Variants in SATB1 observed in about 807,000 individuals in gnomAD.
SATB1 encodes SATB homeobox 1.
In SATB1, 11 loss-of-function variants were observed where a neutral mutation model predicts 86.9. That is an observed-to-expected ratio of 0.13 (90% confidence interval 0.08 to 0.21). SATB1 has a LOEUF of 0.21. Ranked by LOEUF, SATB1 falls within the 10% of genes least tolerant of loss-of-function variation. The pLI is 1.00. For synonymous variants in SATB1, 357 were observed against 357.2 expected, an observed-to-expected ratio of 1.00 and a Z score of 0.01; for missense variants, 551 against 937.6, an observed-to-expected ratio of 0.59 and a Z score of 5.39.
chr3:18,361,878 C>T (rs1694920542), intron 9 of SATB1, among the ~76,000 whole-genome samples: 2 of 152,144 alleles, frequency 1.3e-5, no homozygotes, highest in Middle Eastern at 3.4e-3. Context: ...CATATAGATA[C>T]ATGTGCATGT....
At position 18,352,282 on chromosome 3, in the gene SATB1, G is replaced by A. The variant is rs1694404227; in HGVS notation, c.1576-87C>T. Reference sequence around the variant, plus strand: ...AGGAGCTAAAAAGGAAAAACCCTATGAATTAACTTTTTCATAAGCTCAGAA... The same window carrying A: ...AGGAGCTAAAAAGGAAAAACCCTATAAATTAACTTTTTCATAAGCTCAGAA... On this transcript the variant is annotated intron_variant, in intron 9 of 10. Transcript: ENST00000338745. The surrounding 1 kb of genome is among the most constrained non-coding windows in gnomAD (Gnocchi z 4.1). The A allele has an allele frequency of 8.5e-7, 1 of 1,180,450 alleles. No individual in the cohort carries two copies. Among genetic ancestry groups the A allele is most frequent in the Non-Finnish European group, 1.2e-6 (1 of 813,616 alleles). The allele number at this position is 1,180,450 out of a possible 1,614,324, so 73.1% of individuals were successfully genotyped here.
chr3:18,350,279 T>C (rs1286511333), intron 10 of SATB1: 1 of 152,530 alleles, frequency 6.6e-6, no homozygotes, highest in Non-Finnish European at 1.5e-5. Flanking sequence ...ACACAATTTC[T>C]TACCGAATTG....
chr3:18,443,147 C>T (rs560030315), upstream of SATB1, among the ~76,000 whole-genome samples: 4 of 152,302 alleles, frequency 2.6e-5, no homozygotes, highest in African/African-American at 7.2e-5. The surrounding 1 kb of genome is among the most constrained non-coding windows in gnomAD (Gnocchi z 4.4). Context: ...TAAGTTTCAA[C>T]GGGATGAGTT....
intron 5 of SATB1, among the ~76,000 whole-genome samples, chr3:18,408,153 G>C (rs1697641878): frequency 6.6e-6 from 1 of 151,902 alleles, no homozygotes; most frequent in Non-Finnish European, 1.5e-5. Flanking sequence ...TATTACAATA[G>C]AAAATAATCA....
chr3:18,411,145 T>C, intron 5 of SATB1: 1 of 354,686 alleles, frequency 2.8e-6, no homozygotes, highest in South Asian at 1.5e-4. Flanking sequence ...TTTTGCTACT[T>C]GAAAATAAAA....
At chr3:18,381,785 A>C (rs1047719147) in intron 8 of SATB1, among the ~76,000 whole-genome samples, 2 of 152,168 alleles carry the variant, frequency 1.3e-5, no homozygotes, top group Non-Finnish European at 2.9e-5. Context: ...ATTAATGAAA[A>C]TAAGAAATGT....
intron 5 of SATB1, chr3:18,408,820 T>C (rs1323407949): frequency 1.3e-5 from 2 of 152,060 alleles, no homozygotes; most frequent in Middle Eastern, 3.4e-3. Flanking sequence ...ATGTCTAAAA[T>C]ATACTCTAAA....
At chr3:18,384,151 C>T (rs112176410) in intron 8 of SATB1, among the ~76,000 whole-genome samples, 12 of 152,254 alleles carry the variant, frequency 7.9e-5, no homozygotes, top group African/African-American at 2.6e-4. Context: ...CAAACAAATA[C>T]AGCTAAGGGT....
chr3:18,416,144 TAA>T lies in SATB1; in HGVS notation c.389-13_389-12del. ...CAACCTGGATTAGCCCTATTTCAGATAAAGAGAATATGTCACTAAATATTTTA... is the reference window on the plus strand; with the variant it reads ...CAACCTGGATTAGCCCTATTTCAGATAGAGAATATGTCACTAAATATTTTA... On this transcript the variant is annotated splice_polypyrimidine_tract_variant and intron_variant, in intron 3 of 10. Coordinates refer to ENST00000338745, the MANE Select transcript of SATB1 (RefSeq NM_002971.6). 1 of 1,591,402 alleles carries T rather than the reference TAA, an allele frequency of 6.3e-7. No individual in the cohort carries two copies. Among genetic ancestry groups the T allele is most frequent in the Non-Finnish European group, 8.6e-7 (1 of 1,167,446 alleles).
At chr3:18,393,928 T>C (rs1245203863) in intron 7 of SATB1, among the ~76,000 whole-genome samples, 1 of 152,200 alleles carries the variant, frequency 6.6e-6, no homozygotes, top group Non-Finnish European at 1.5e-5. Context: ...TCATATAATA[T>C]TTTTTCAAAA....
chr3:18,369,465 T>C (rs1346541550), intron 9 of SATB1, among the ~76,000 whole-genome samples: 1 of 152,196 alleles, frequency 6.6e-6, no homozygotes, highest in East Asian at 1.9e-4. Context: ...CAACCCCATT[T>C]TTCTAGACAC....
rs979109120 is a variant in SATB1 at position 18,423,697 on chromosome 3, G to C, written c.-95C>G. 1 of 147,910 alleles carries C rather than the reference G, an allele frequency of 6.8e-6. No individual in the cohort carries two copies. The highest frequency in any genetic ancestry group is 1.5e-5 in the Non-Finnish European group (1 of 67,258). 9.2% of individuals were successfully genotyped at this position (147,910 alleles called of 1,614,324 possible). Reference sequence around the variant, plus strand: ...TTCCTTTGCAGCCCGGGTTCTTGAAGAGAAGTTCAAGACTGATGTTTTCTA... The same window carrying C: ...TTCCTTTGCAGCCCGGGTTCTTGAACAGAAGTTCAAGACTGATGTTTTCTA... On this transcript the variant is annotated 5_prime_UTR_variant, in exon 1 of 11. Transcript: ENST00000338745.
chr3:18,439,103 C>T (rs944648238), upstream of SATB1, among the ~76,000 whole-genome samples: 5 of 152,328 alleles, frequency 3.3e-5, no homozygotes, highest in East Asian at 9.6e-4. Context: ...CAAGCCACTT[C>T]TCTACCAAAT....
At position 18,405,432 on chromosome 3, in the gene SATB1, A is replaced by T. The variant is rs551394066; in HGVS notation, c.640-8142T>A. 1.0e-3 allele frequency among the ~76,000 whole-genome samples: 157 copies of T among 152,000 alleles called. 1 individual carries two copies. The highest frequency in any genetic ancestry group is 3.4e-3 in the African/African-American group (141 of 41,488). ...TAAAAAAACAAAACAAAACCAAAAAACCCTTAAACCACAGAGCGAAAACAA... is the reference window on the plus strand; with the variant it reads ...TAAAAAAACAAAACAAAACCAAAAATCCCTTAAACCACAGAGCGAAAACAA... On this transcript the variant is annotated intron_variant, in intron 5 of 10. Transcript: ENST00000338745.
chr3:18,425,148 C>T lies in SATB1; in HGVS notation c.-1546G>A. 5.7e-6 allele frequency: 1 copy of T among 176,252 alleles called. No individual in the cohort carries two copies. Among genetic ancestry groups the T allele is most frequent in the Non-Finnish European group, 1.2e-5 (1 of 85,936 alleles). 10.9% of individuals were successfully genotyped at this position (176,252 alleles called of 1,614,324 possible). A position where few individuals can be genotyped will look rare whatever the true frequency, so the allele number is the denominator to read the frequency against. On this transcript the variant is annotated 5_prime_UTR_variant, in exon 1 of 11. Transcript: ENST00000338745. ...CTCTCCGCCGCTGCTCCTGCTGCTG[C>T]TGCCGCCGCCGCCGCCGCTGCCGCT...
Position 18,416,138 on chromosome 3 carries a change from T to G in SATB1, c.389-5A>C, listed in dbSNP as rs753221559. On this transcript the variant is annotated splice_polypyrimidine_tract_variant and splice_region_variant and intron_variant, in intron 3 of 10. Transcript: ENST00000338745. Reference sequence around the variant, plus strand: ...ACTTTCCAACCTGGATTAGCCCTATTTCAGATAAAGAGAATATGTCACTAA... The same window carrying G: ...ACTTTCCAACCTGGATTAGCCCTATGTCAGATAAAGAGAATATGTCACTAA... 5 of 1,597,520 alleles carry G rather than the reference T, an allele frequency of 3.1e-6. No individual in the cohort carries two copies. The highest frequency in any genetic ancestry group is 1.1e-5 in the South Asian group (1 of 88,862).
Position 18,416,918 on chromosome 3 carries a change from A to C in SATB1, c.372T>G (p.Ser124=), listed in dbSNP as rs1698142744. The C allele has an allele frequency of 6.2e-7, 1 of 1,610,506 alleles. No homozygotes were observed. The highest frequency in any genetic ancestry group is 1.3e-5 in the African/African-American group (1 of 74,780). The change falls in exon 3 of 11, where the codon TCT becomes TCG. Residue 124 remains serine (S), a synonymous_variant. Transcript: ENST00000338745. ...ATTATTTACCTTTGGCCTGGGCAGC[A>C]GAGCTATGTGAATAACCTAGAGACA... ...ALLSLGYSHS[S]AAQAKGLIQV...
chr3:18,430,971 A>C (rs1559465359), intron 2 of SATB1, among the ~76,000 whole-genome samples: 1 of 152,182 alleles, frequency 6.6e-6, no homozygotes, highest in Non-Finnish European at 1.5e-5. Flanking sequence ...AACCGACAGG[A>C]TATCTGGGCC....
intron 2 of SATB1, among the ~76,000 whole-genome samples, chr3:18,435,595 G>A (rs1306007606): frequency 6.6e-6 from 1 of 152,006 alleles, no homozygotes; most frequent in African/African-American, 2.4e-5. Context: ...ATGTCCCTGA[G>A]GACCTCTAGC....
Sources: gnomAD v4.1 joint callset for allele counts (sites outside exome capture counted in the v4.1 genomes callset) on GRCh38, gnomAD v4.1.1 for gene constraint, Gnocchi (gnomAD v3.1) non-coding constraint, MANE v1.5 for transcripts, NCBI Gene and HGNC (gene_info 2026-07-23, HGNC 2026-07-21) for gene names.